Variants in TMEM144 observed in about 807,000 individuals in gnomAD.
TMEM144 encodes transmembrane protein 144.
In TMEM144, 39 loss-of-function variants were observed where a neutral mutation model predicts 43.6. The ratio of observed to expected loss-of-function variants is 0.90; its 90% confidence interval spans 0.69 to 1.17. The LOEUF is 1.17. TMEM144 is among the 50% of genes most tolerant of loss of function. TMEM144 has a pLI of 0.00. For missense variants in TMEM144, 417 were observed against 411.9 expected, an observed-to-expected ratio of 1.01 and a Z score of -0.11; for synonymous variants, 154 against 133.6, an observed-to-expected ratio of 1.15 and a Z score of -1.06.
At chr4:158,211,077 A>G (rs753520821) in intron 1 of TMEM144, 1 of 152,216 alleles carries the variant, frequency 6.6e-6, no homozygotes, top group African/African-American at 2.4e-5. Flanking sequence ...AAATTTCATT[A>G]TTTTAGAGAG....
chr4:158,232,979 G>A lies in TMEM144; in HGVS notation c.492G>A (p.Glu164=). ...CSMDTTPLIT[E]HVINTTQDPC... is the part of the protein sequence containing the mutation. ...TGGATACCACTCCATTAATAACAGA[G>A]CATGTGAGTATAGTATGAGAGACAA... The change falls in exon 7 of 13, where the codon GAG becomes GAA. Residue 164 remains glutamate, a synonymous_variant. Transcript: ENST00000296529. 6.2e-7 allele frequency: 1 copy of A among 1,604,364 alleles called. No individual in the cohort carries two copies. Among genetic ancestry groups the A allele is most frequent in the Non-Finnish European group, 8.5e-7 (1 of 1,173,832 alleles).
At chr4:158,247,736 G>C (rs1220655681) in intron 12 of TMEM144, among the ~76,000 whole-genome samples, 2 of 151,984 alleles carry the variant, frequency 1.3e-5, no homozygotes, top group African/African-American at 4.8e-5. Flanking sequence ...ACATGTACTA[G>C]AGGACATAGA....
At chr4:158,239,878 A>T (rs959454712) in intron 9 of TMEM144, among the ~76,000 whole-genome samples, 1 of 151,760 alleles carries the variant, frequency 6.6e-6, no homozygotes, top group East Asian at 1.9e-4. Flanking sequence ...GATTAAATAT[A>T]ATTAATGGGG....
intron 12 of TMEM144, among the ~76,000 whole-genome samples, chr4:158,250,188 TAC>T (rs561035994): frequency 1.5e-3 from 186 of 122,734 alleles, no homozygotes; most frequent in African/African-American, 4.9e-3. Context: ...TGTTAATTAA[TAC>T]ATAACATATA....
At chr4:158,215,114 T>C in intron 3 of TMEM144, 77 bp from the exon 4 acceptor site, 1 of 1,586,316 alleles carries the variant, frequency 6.3e-7, no homozygotes, top group Non-Finnish European at 8.6e-7. Context: ...TCCTGTAATA[T>C]CACCTCATAG....
intron 6 of TMEM144, among the ~76,000 whole-genome samples, chr4:158,231,540 T>TA (rs1213154082): frequency 1.3e-5 from 2 of 152,180 alleles, no homozygotes; most frequent in East Asian, 3.8e-4. Flanking sequence ...TAACTATTCT[T>TA]AGTGTTGTGG....
At chr4:158,250,195 CATATATATATAT>C (rs5863314) in intron 12 of TMEM144, among the ~76,000 whole-genome samples, 38,145 of 135,380 alleles carry the variant, frequency 0.28, 6,004 homozygotes, top group East Asian at 0.72. Flanking sequence ...TAATACATAA[CATATATATATAT>C]ATATATATAT....
chr4:158,230,929 A>C (rs1418946010), intron 6 of TMEM144, among the ~76,000 whole-genome samples: 3 of 152,180 alleles, frequency 2.0e-5, no homozygotes, highest in African/African-American at 7.2e-5. Context: ...GGGAAAAAAC[A>C]TCTGTTTTTC....
chr4:158,211,138 A>G (rs1733940708), intron 1 of TMEM144: 4 of 152,232 alleles, frequency 2.6e-5, no homozygotes, highest in African/African-American at 9.7e-5. Context: ...ACAATGAAAT[A>G]AGATCACATG....
chr4:158,235,195 A>C, intron 7 of TMEM144: 1 of 443,532 alleles, frequency 2.3e-6, no homozygotes, highest in Non-Finnish European at 4.1e-6. Flanking sequence ...GGTGTATCAC[A>C]ATAGCCACAT....
chr4:158,223,484 G>A (rs2111113740), intron 6 of TMEM144, among the ~76,000 whole-genome samples: 1 of 152,182 alleles, frequency 6.6e-6, no homozygotes, highest in South Asian at 2.1e-4. Context: ...TGCAGAACGT[G>A]CAGGATTGTT....
intron 10 of TMEM144, 144 bp downstream of exon 10, chr4:158,240,562 G>A: frequency 2.6e-6 from 2 of 774,072 alleles, no homozygotes; most frequent in Non-Finnish European, 3.8e-6. Flanking sequence ...GTGTGTGCAT[G>A]TTCATTCCCC....
At chr4:158,232,088 C>T (rs1199092703) in intron 6 of TMEM144, among the ~76,000 whole-genome samples, 2 of 152,118 alleles carry the variant, frequency 1.3e-5, no homozygotes, top group African/African-American at 4.8e-5. Context: ...AAAAGTATCC[C>T]AACGTTGTTC....
chr4:158,220,978 C>T (rs1734480137), intron 6 of TMEM144, among the ~76,000 whole-genome samples: 1 of 152,144 alleles, frequency 6.6e-6, no homozygotes. Flanking sequence ...AGGGTATTCA[C>T]TGAATAAACT....
intron 6 of TMEM144, among the ~76,000 whole-genome samples, chr4:158,225,389 G>T (rs373300967): frequency 6.6e-6 from 1 of 152,210 alleles, no homozygotes; most frequent in African/African-American, 2.4e-5. Flanking sequence ...GCTTGTTGCT[G>T]TTGGTTGTAA....
intron 6 of TMEM144, among the ~76,000 whole-genome samples, chr4:158,227,530 A>T (rs1161195260): frequency 1.3e-5 from 2 of 151,924 alleles, no homozygotes; most frequent in Non-Finnish European, 2.9e-5. Context: ...TTAACTACTT[A>T]TATATATATC....
chr4:158,216,288 G>T (rs966112888), intron 4 of TMEM144, among the ~76,000 whole-genome samples: 3 of 152,138 alleles, frequency 2.0e-5, no homozygotes, highest in Admixed American at 2.0e-4. Flanking sequence ...TGCAGATGTG[G>T]ATGCTATAGG....
At position 158,255,103 on chromosome 4, in the gene TMEM144, C is replaced by G. The variant is rs1426529956; in HGVS notation, c.*1576C>G. ...AAGAGCTACTAAGCTCACCACCTTC[C>G]CATCCAAACAATTATTACTCCTCTA... is the stretch of plus-strand genomic sequence containing the variant. On this transcript the variant is annotated 3_prime_UTR_variant, in exon 13 of 13. Coordinates refer to ENST00000296529, the MANE Select transcript of TMEM144 (RefSeq NM_018342.5). 1 of 86,630 alleles carries G rather than the reference C, an allele frequency of 1.2e-5. No individual in the cohort carries two copies. Among genetic ancestry groups the G allele is most frequent in the Middle Eastern group, 5.7e-3 (1 of 174 alleles). The allele number at this position is 86,630 out of a possible 1,614,324, so 5.4% of individuals were successfully genotyped here.
At chr4:158,238,875 G>A (rs1360143641) in intron 9 of TMEM144, among the ~76,000 whole-genome samples, 1 of 152,110 alleles carries the variant, frequency 6.6e-6, no homozygotes. Context: ...TCTTGCTTGT[G>A]ACAACTCTGA....
Sources: gnomAD v4.1 joint callset for allele counts (sites outside exome capture counted in the v4.1 genomes callset) on GRCh38, gnomAD v4.1.1 for gene constraint, MANE v1.5 for transcripts, NCBI Gene and HGNC (gene_info 2026-07-23, HGNC 2026-07-21) for gene names.